NRXN3: variants seen among roughly 807,000 people sequenced by gnomAD.
NRXN3 encodes neurexin III.
In NRXN3, 32 loss-of-function variants were observed where a neutral mutation model predicts 137.6. The observed-to-expected ratio is 0.23, with a 90% CI of 0.18 to 0.31. The LOEUF (loss-of-function observed/expected upper bound fraction) is 0.31, where lower values mean the gene tolerates loss of function less well. Among genes scored for constraint, NRXN3 ranks in the 10% least tolerant of loss-of-function variants. The pLI, the probability that NRXN3 is intolerant of heterozygous loss-of-function variation, is 1.00. For synonymous variants in NRXN3, 798 were observed against 784.5 expected, an observed-to-expected ratio of 1.02 and a Z score of -0.29; for missense variants, 1,574 against 2,062.5, an observed-to-expected ratio of 0.76 and a Z score of 4.59.
chr14:79,147,044 G>T, intron 15 of NRXN3, among the ~76,000 whole-genome samples: 1 of 151,866 alleles, frequency 6.6e-6, no homozygotes, highest in Admixed American at 6.6e-5. Context: ...GTATGAGGGG[G>T]ATGAAAAAGA....
intron 8 of NRXN3, among the ~76,000 whole-genome samples, chr14:78,759,778 T>C (rs2098685639): frequency 6.6e-6 from 1 of 152,228 alleles, no homozygotes; most frequent in Non-Finnish European, 1.5e-5. Context: ...TAGAAATTTG[T>C]CTCAGCCTTG....
At chr14:78,677,537 G>A (rs147667668) in intron 6 of NRXN3, among the ~76,000 whole-genome samples, 69 of 152,222 alleles carry the variant, frequency 4.5e-4, no homozygotes, top group Non-Finnish European at 8.1e-4. Context: ...CAATAAAAGA[G>A]CAGTTTCTTG....
At chr14:79,409,090 AG>A (rs1347052768) in intron 15 of NRXN3, among the ~76,000 whole-genome samples, 5 of 152,136 alleles carry the variant, frequency 3.3e-5, no homozygotes, top group African/African-American at 1.2e-4. Context: ...GAATCCAAGT[AG>A]GAGTATAGAC....
At chr14:79,303,405 T>G (rs527847196) in intron 15 of NRXN3, among the ~76,000 whole-genome samples, 1 of 152,212 alleles carries the variant, frequency 6.6e-6, no homozygotes, top group African/African-American at 2.4e-5. Flanking sequence ...TGGCCACTTT[T>G]TCTGCCTTGT....
chr14:79,161,498 A>G (rs1485166005), intron 15 of NRXN3, among the ~76,000 whole-genome samples: 3 of 151,984 alleles, frequency 2.0e-5, no homozygotes. Flanking sequence ...TATTTGATAC[A>G]CAATGATTAT....
chr14:79,541,134 G>A (rs2097268048), intron 16 of NRXN3, among the ~76,000 whole-genome samples: 1 of 152,152 alleles, frequency 6.6e-6, no homozygotes, highest in African/African-American at 2.4e-5. Flanking sequence ...TGCCAGGCCA[G>A]GAGCGGTGGC....
At chr14:79,257,571 GTGGTGGTGA>G (rs2076941250) in intron 15 of NRXN3, among the ~76,000 whole-genome samples, 1 of 121,430 alleles carries the variant, frequency 8.2e-6, no homozygotes, top group Non-Finnish European at 1.8e-5. Context: ...GGTGGTGGTG[GTGGTGGTGA>G]TGGTAATGAT....
chr14:78,516,137 A>C (rs1237882831), intron 4 of NRXN3, among the ~76,000 whole-genome samples: 2 of 151,998 alleles, frequency 1.3e-5, no homozygotes, highest in Non-Finnish European at 2.9e-5. Context: ...AATTCATGTC[A>C]TGTTCACCAA....
chr14:79,601,182 A>G (rs762106282), intron 16 of NRXN3, among the ~76,000 whole-genome samples: 3 of 151,576 alleles, frequency 2.0e-5, no homozygotes, highest in Non-Finnish European at 1.5e-5. Flanking sequence ...AGCTGAGATC[A>G]CAGGTACACG....
intron 15 of NRXN3, among the ~76,000 whole-genome samples, chr14:79,437,782 A>G (rs2095867943): frequency 1.3e-5 from 2 of 152,210 alleles, no homozygotes; most frequent in South Asian, 4.1e-4. Context: ...CTACATCCTC[A>G]TCAACCTAAA....
intron 2 of NRXN3, among the ~76,000 whole-genome samples, chr14:78,256,444 G>A (rs1217264180): frequency 6.6e-6 from 1 of 152,250 alleles, no homozygotes; most frequent in East Asian, 1.9e-4. Context: ...AGGTGCCTTC[G>A]TGAAGCTATC....
intron 4 of NRXN3, among the ~76,000 whole-genome samples, chr14:78,494,689 G>T (rs886070901): frequency 6.6e-6 from 1 of 152,116 alleles, no homozygotes; most frequent in Non-Finnish European, 1.5e-5. Flanking sequence ...CCCTGATTCA[G>T]ATAGAGATAT....
chr14:78,961,611 C>T (rs2099408320), intron 11 of NRXN3, among the ~76,000 whole-genome samples: 2 of 152,166 alleles, frequency 1.3e-5, no homozygotes, highest in African/African-American at 2.4e-5. Flanking sequence ...AAAAACTTTA[C>T]GTGTGTTGAT....
intron 10 of NRXN3, among the ~76,000 whole-genome samples, chr14:78,909,893 T>A (rs2099231802): frequency 6.6e-6 from 1 of 152,154 alleles, no homozygotes; most frequent in Non-Finnish European, 1.5e-5. Flanking sequence ...TCTGTCAATC[T>A]GTCTACACAC....
chr14:78,963,061 G>T (rs2099411266), intron 11 of NRXN3, among the ~76,000 whole-genome samples: 1 of 151,664 alleles, frequency 6.6e-6, no homozygotes, highest in South Asian at 2.1e-4. Context: ...GAGTCATCCT[G>T]AACTCCCAGT....
chr14:79,150,236 A>AGATC (rs2059676552), intron 15 of NRXN3, among the ~76,000 whole-genome samples: 1 of 151,926 alleles, frequency 6.6e-6, no homozygotes, highest in African/African-American at 2.4e-5. Flanking sequence ...CAGATGGGGG[A>AGATC]GATCAGCTTC....
At chr14:79,061,002 G>A (rs542173116) in intron 15 of NRXN3, among the ~76,000 whole-genome samples, 170 of 152,244 alleles carry the variant, frequency 1.1e-3, no homozygotes, top group Non-Finnish European at 1.8e-3. Flanking sequence ...AGTGTCTATC[G>A]TGGGACATAA....
rs886157490 is a variant in NRXN3 at position 79,484,853 on chromosome 14, A to T, written c.3444+17451A>T. Among the ~76,000 whole-genome samples the T allele has an allele frequency of 2.0e-5, 3 of 152,208 alleles. No homozygotes were observed. The East Asian group carries it at 5.8e-4, about 29-fold the overall frequency. The stretch of plus-strand genomic sequence containing the variant: ...AAACATCTGGGGCCCACATATTCAG[A>T]TCTTTCGTACATATAATTTGCTATA... On this transcript the variant is annotated intron_variant, in intron 16 of 20. Transcript: ENST00000335750.
intron 19 of NRXN3, among the ~76,000 whole-genome samples, chr14:79,727,450 A>G (rs1161491583): frequency 6.6e-6 from 1 of 152,152 alleles, no homozygotes; most frequent in African/African-American, 2.4e-5. Context: ...GATCACTTCT[A>G]CTTTTCAACA....
Sources: gnomAD v4.1 joint callset for allele counts (sites outside exome capture counted in the v4.1 genomes callset) on GRCh38, gnomAD v4.1.1 for gene constraint, MANE v1.5 for transcripts, NCBI Gene and HGNC (gene_info 2026-07-23, HGNC 2026-07-21) for gene names.